Variants in TPTE observed in about 807,000 individuals in gnomAD.
TPTE encodes the protein putative tyrosine-protein phosphatase TPTE.
Under a neutral mutation model 84.1 loss-of-function variants are expected in TPTE, and 59 were observed. That is an observed-to-expected ratio of 0.70 (90% CI 0.57 to 0.87). TPTE has a LOEUF of 0.87. Among genes scored for constraint, TPTE ranks in the 40% least tolerant of loss-of-function variants. The pLI, the probability that TPTE is intolerant of heterozygous loss-of-function variation, is 0.00. For synonymous variants in TPTE, 130 were observed against 223.5 expected (o/e 0.58, Z 3.73); for missense variants, 382 against 659.6 (o/e 0.58, Z 4.61).
chr21:10,555,026 T>G (rs1326031750), intron 8 of TPTE, among the ~76,000 whole-genome samples: 6 of 152,310 alleles, frequency 3.9e-5, no homozygotes, highest in South Asian at 2.1e-4. Context: ...GTGGGAGAGA[T>G]AGCACCTGCC....
intron 3 of TPTE, among the ~76,000 whole-genome samples, chr21:10,533,699 G>C: frequency 6.6e-6 from 1 of 152,312 alleles, no homozygotes; most frequent in Admixed American, 6.5e-5. Context: ...GTCATTGTCA[G>C]TAAGTTTAAA....
At chr21:10,552,371 A>G (rs549004062) in intron 7 of TPTE, among the ~76,000 whole-genome samples, 1 of 152,414 alleles carries the variant, frequency 6.6e-6, no homozygotes, top group Admixed American at 6.5e-5. Context: ...ATATCCATAT[A>G]CATATTCTTT....
intron 9 of TPTE, among the ~76,000 whole-genome samples, chr21:10,560,479 C>T (rs2074776107): frequency 6.6e-6 from 1 of 152,428 alleles, no homozygotes; most frequent in South Asian, 2.1e-4. Context: ...GCAGGAGGTA[C>T]TTTAGAGTTC....
chr21:10,595,284 C>T (rs1292623490), intron 19 of TPTE, among the ~76,000 whole-genome samples: 1 of 152,310 alleles, frequency 6.6e-6, no homozygotes, highest in East Asian at 1.9e-4. Context: ...ACCAGGTGAT[C>T]TGCCCGCCTC....
chr21:10,569,777 T>C (rs765341525), intron 13 of TPTE, 31 bp downstream of exon 13: 2 of 1,613,964 alleles, frequency 1.2e-6, no homozygotes, highest in Non-Finnish European at 8.5e-7. Context: ...GATTTACTTG[T>C]ATTACTTCAC....
At chr21:10,530,244 A>T (rs1217310534) in intron 3 of TPTE, among the ~76,000 whole-genome samples, 3 of 152,310 alleles carry the variant, frequency 2.0e-5, no homozygotes, top group Admixed American at 2.0e-4. Context: ...TGCATTTGGT[A>T]TGCTGATTGC....
chr21:10,587,309 G>A (rs552946469), intron 17 of TPTE, among the ~76,000 whole-genome samples: 85 of 152,254 alleles, frequency 5.6e-4, no homozygotes, highest in African/African-American at 2.0e-3. Flanking sequence ...ATGATTGATC[G>A]CATCACCCAG....
At chr21:10,602,911 A>C in intron 22 of TPTE, 2 of 517,358 alleles carry the variant, frequency 3.9e-6, no homozygotes, top group South Asian at 2.8e-5. Flanking sequence ...GGGGAGGTCT[A>C]ATTTGGTTTA....
chr21:10,525,781 C>A (rs1413060519), intron 2 of TPTE, among the ~76,000 whole-genome samples: 1 of 152,300 alleles, frequency 6.6e-6, no homozygotes, highest in Non-Finnish European at 1.5e-5. Flanking sequence ...TCATTCTGTG[C>A]CCCAAAGCAG....
intron 14 of TPTE, among the ~76,000 whole-genome samples, chr21:10,574,621 G>A (rs2075113973): frequency 6.6e-6 from 1 of 152,310 alleles, no homozygotes. Flanking sequence ...CTGACTGGAT[G>A]AACAGGTCGA....
At chr21:10,544,737 A>G (rs1600875861) in intron 7 of TPTE, among the ~76,000 whole-genome samples, 1 of 152,308 alleles carries the variant, frequency 6.6e-6, no homozygotes, top group African/African-American at 2.4e-5. Context: ...GGCAGGAAAG[A>G]CATCCATGAT....
rs1215122253 is a variant in TPTE, at chr21:10,542,563, T to TCCATTCATC, written c.119+116_119+117insCATTCATCC. 14 of 821,984 alleles carry TCCATTCATC rather than the reference T, an allele frequency of 1.7e-5. No individual in the cohort carries two copies. In the African/African-American group the frequency reaches 3.4e-4, roughly 20 times the overall value. The allele number at this position is 821,984 out of a possible 1,614,324, so 50.9% of individuals were successfully genotyped here. On this transcript the variant is annotated intron_variant, in intron 6 of 23. Transcript: ENST00000618007. ...TCCATCCATCCATCCATCCATCCAT[T>TCCATTCATC]CATCCATCCATCCATCCATCCATCC...
chr21:10,571,458 G>C (rs1368361186), intron 14 of TPTE, among the ~76,000 whole-genome samples: 1 of 152,312 alleles, frequency 6.6e-6, no homozygotes. Context: ...TGAAAAGCAA[G>C]GAAACATTAC....
At chr21:10,535,246 C>A (rs1228991595) in intron 3 of TPTE, among the ~76,000 whole-genome samples, 1 of 152,302 alleles carries the variant, frequency 6.6e-6, no homozygotes, top group East Asian at 1.9e-4. Context: ...ATGGTAGTAA[C>A]CTATGATAGA....
At chr21:10,559,411 T>C in intron 8 of TPTE, 83 bp from the exon 9 acceptor site, 1 of 1,577,616 alleles carries the variant, frequency 6.3e-7, no homozygotes, top group East Asian at 2.3e-5. Flanking sequence ...AAATTATATT[T>C]ATAAGGGCCT....
At chr21:10,562,875 A>G (rs2074837056) in intron 10 of TPTE, among the ~76,000 whole-genome samples, 1 of 152,308 alleles carries the variant, frequency 6.6e-6, no homozygotes, top group African/African-American at 2.4e-5. Flanking sequence ...CCAAACCTAC[A>G]GAAAGATATC....
At chr21:10,569,809 T>G in intron 13 of TPTE, 63 bp downstream of exon 13, 1 of 1,613,948 alleles carries the variant, frequency 6.2e-7, no homozygotes, top group Non-Finnish European at 8.5e-7. Flanking sequence ...ATTGTATTTT[T>G]TTTTGCCTCA....
At chr21:10,531,764 T>C (rs1164822243) in intron 3 of TPTE, among the ~76,000 whole-genome samples, 1 of 152,310 alleles carries the variant, frequency 6.6e-6, no homozygotes, top group Non-Finnish European at 1.5e-5. Context: ...CCACTTTCAG[T>C]CTACAAAGGT....
intron 18 of TPTE, among the ~76,000 whole-genome samples, chr21:10,591,557 C>G (rs1600969982): frequency 1.3e-5 from 2 of 152,428 alleles, no homozygotes; most frequent in South Asian, 2.1e-4. Flanking sequence ...GTGTGTGTGT[C>G]TCCTAGGTTT....
Sources: gnomAD v4.1 joint callset for allele counts (sites outside exome capture counted in the v4.1 genomes callset) on GRCh38, gnomAD v4.1.1 for gene constraint, MANE v1.5 for transcripts, NCBI Gene and HGNC (gene_info 2026-07-23, HGNC 2026-07-21) for gene names.